Variants in SLC44A3 observed in about 807,000 individuals in gnomAD.
SLC44A3 encodes choline transporter-like protein 3.
SLC44A3 carries 74 observed loss-of-function variants against 75.4 expected under a neutral mutation model. That is an observed-to-expected ratio of 0.98 (90% CI 0.81 to 1.19). The LOEUF is 1.19. SLC44A3 is among the 50% of genes most tolerant of loss of function. The pLI is 0.00. For synonymous variants in SLC44A3, 310 were observed against 296.9 expected, an observed-to-expected ratio of 1.04 and a Z score of -0.45; for missense variants, 700 against 778.6, an observed-to-expected ratio of 0.90 and a Z score of 1.20.
At position 94,820,364 on chromosome 1, in the gene SLC44A3, G is replaced by T; in HGVS notation, c.-88G>T. On this transcript the variant is annotated 5_prime_UTR_variant, in exon 1 of 15. Coordinates refer to ENST00000271227, the MANE Select transcript of SLC44A3 (RefSeq NM_001114106.3). Reference sequence around the variant, plus strand: ...AGCCCCAGCCCCAGCCCCAGCCCCGGCCCCGGCCCCGGCTCGCGGGCGCTG... The same window carrying T: ...AGCCCCAGCCCCAGCCCCAGCCCCGTCCCCGGCCCCGGCTCGCGGGCGCTG... The T allele has an allele frequency of 7.5e-7, 1 of 1,330,950 alleles. No homozygotes were observed. The highest frequency in any genetic ancestry group is 9.6e-7 in the Non-Finnish European group (1 of 1,042,610). 82.4% of individuals were successfully genotyped at this position (1,330,950 alleles called of 1,614,324 possible). A position where few individuals can be genotyped will look rare whatever the true frequency, so the allele number is the denominator to read the frequency against.
intron 5 of SLC44A3, among the ~76,000 whole-genome samples, chr1:94,830,161 A>G (rs1661930434): frequency 6.6e-6 from 1 of 152,186 alleles, no homozygotes; most frequent in Non-Finnish European, 1.5e-5. Context: ...GTTGTAAGTA[A>G]TTGAAGGAGG....
intron 5 of SLC44A3, among the ~76,000 whole-genome samples, chr1:94,831,410 T>C (rs1662108925): frequency 6.6e-6 from 1 of 152,200 alleles, no homozygotes; most frequent in East Asian, 1.9e-4. Context: ...AGGGTGGCTA[T>C]AGGGCCAAAG....
chr1:94,839,880 C>T, intron 6 of SLC44A3, 68 bp from the exon 7 acceptor site: 1 of 1,105,334 alleles, frequency 9.0e-7, no homozygotes, highest in South Asian at 1.3e-5. Flanking sequence ...TTTGTCATCG[C>T]AGTACTACCA....
chr1:94,849,992 C>T (rs1010284431), intron 9 of SLC44A3, among the ~76,000 whole-genome samples: 1 of 152,158 alleles, frequency 6.6e-6, no homozygotes, highest in African/African-American at 2.4e-5. Context: ...AAGCAATCCA[C>T]CTGCTTTGGC....
intron 12 of SLC44A3, among the ~76,000 whole-genome samples, chr1:94,872,364 G>T (rs574901691): frequency 6.6e-6 from 1 of 152,032 alleles, no homozygotes; most frequent in Non-Finnish European, 1.5e-5. Flanking sequence ...CCAAAGTGCT[G>T]GAATTACAGG....
chr1:94,871,576 A>G (rs17112592), intron 12 of SLC44A3, among the ~76,000 whole-genome samples: 24,852 of 152,158 alleles, frequency 0.16, 2,318 homozygotes, highest in Middle Eastern at 0.24. Flanking sequence ...CTAAGTGCAC[A>G]TCTCTTGTCC....
chr1:94,848,962 C>T (rs779794122), intron 9 of SLC44A3, among the ~76,000 whole-genome samples: 62 of 152,184 alleles, frequency 4.1e-4, no homozygotes, highest in Middle Eastern at 3.4e-3. Flanking sequence ...GAGGACCTGG[C>T]CACAGAGGTC....
At chr1:94,861,240 A>C (rs1666534249) in intron 10 of SLC44A3, among the ~76,000 whole-genome samples, 1 of 152,234 alleles carries the variant, frequency 6.6e-6, no homozygotes, top group Non-Finnish European at 1.5e-5. Context: ...GAATGGGAAC[A>C]TGAGTGTGAG....
intron 8 of SLC44A3, among the ~76,000 whole-genome samples, chr1:94,843,791 T>C (rs543047113): frequency 1.3e-5 from 2 of 149,860 alleles, no homozygotes; most frequent in South Asian, 4.2e-4. Context: ...TAGATGGATT[T>C]TGAGCCGAGA....
chr1:94,821,191 G>A, intron 2 of SLC44A3, 135 bp downstream of exon 2: 1 of 723,332 alleles, frequency 1.4e-6, no homozygotes, highest in Non-Finnish European at 2.2e-6. Context: ...ACATCAGTTT[G>A]TACTCGGGAG....
intron 1 of SLC44A3, 60 bp downstream of exon 1, chr1:94,820,538 G>A (rs10782992): frequency 2.7e-6 from 4 of 1,467,184 alleles, no homozygotes; most frequent in Non-Finnish European, 3.6e-6. Flanking sequence ...CGAGTCCCCC[G>A]CCTTCACGCA....
chr1:94,854,378 C>T (rs568342799), intron 9 of SLC44A3, among the ~76,000 whole-genome samples: 1 of 152,308 alleles, frequency 6.6e-6, no homozygotes, highest in Non-Finnish European at 1.5e-5. Context: ...AGCCTGGAAC[C>T]AAGCCTTCTC....
At chr1:94,832,911 G>T (rs1209946161) in intron 5 of SLC44A3, among the ~76,000 whole-genome samples, 1 of 152,022 alleles carries the variant, frequency 6.6e-6, no homozygotes, top group Non-Finnish European at 1.5e-5. Context: ...AGGTTGTAGT[G>T]AGCTGTGATC....
chr1:94,871,172 G>A (rs1453486562), intron 12 of SLC44A3, among the ~76,000 whole-genome samples: 1 of 152,198 alleles, frequency 6.6e-6, no homozygotes, highest in Non-Finnish European at 1.5e-5. Context: ...TGTGAGCAAA[G>A]CCAGAGTCCA....
chr1:94,883,065 G>T (rs898990527), intron 12 of SLC44A3, among the ~76,000 whole-genome samples: 3 of 151,406 alleles, frequency 2.0e-5, no homozygotes, highest in Non-Finnish European at 4.4e-5. Context: ...GAGGCCAGGG[G>T]TCAGAAGGCA....
chr1:94,851,041 C>T (rs1330435962), intron 9 of SLC44A3, among the ~76,000 whole-genome samples: 3 of 152,094 alleles, frequency 2.0e-5, no homozygotes, highest in Non-Finnish European at 4.4e-5. Context: ...CAAAGGAAAG[C>T]AGTCTCCATG....
chr1:94,877,052 G>A (rs1557876045), intron 12 of SLC44A3, among the ~76,000 whole-genome samples: 1 of 151,708 alleles, frequency 6.6e-6, no homozygotes, highest in Non-Finnish European at 1.5e-5. Context: ...CATGTCTCTG[G>A]TACCCCCTCA....
chr1:94,857,076 T>A (rs993246458), intron 9 of SLC44A3, among the ~76,000 whole-genome samples: 1 of 152,178 alleles, frequency 6.6e-6, no homozygotes, highest in African/African-American at 2.4e-5. Flanking sequence ...CAAAGTGGGA[T>A]GAGTATTATA....
intron 10 of SLC44A3, among the ~76,000 whole-genome samples, chr1:94,858,801 C>G (rs1666223565): frequency 6.6e-6 from 1 of 152,180 alleles, no homozygotes; most frequent in Non-Finnish European, 1.5e-5. Flanking sequence ...AAGTGATTCT[C>G]CTGCCTCAGT....
Sources: gnomAD v4.1 joint callset for allele counts (sites outside exome capture counted in the v4.1 genomes callset) on GRCh38, gnomAD v4.1.1 for gene constraint, MANE v1.5 for transcripts, NCBI Gene and HGNC (gene_info 2026-07-23, HGNC 2026-07-21) for gene names.